Variants in HOXC10 observed in about 807,000 individuals in gnomAD.
HOXC10 encodes homeobox C10, also known as homeobox protein Hox-C10.
HOXC10 carries 15 observed loss-of-function variants against 26.0 expected under a neutral mutation model. That is an observed-to-expected ratio of 0.58 (90% CI 0.39 to 0.89). The LOEUF is 0.89. Among genes scored for constraint, HOXC10 ranks in the 40% least tolerant of loss-of-function variants. HOXC10 has a pLI of 0.00. For missense variants in HOXC10, 446 were observed against 451.9 expected, an observed-to-expected ratio of 0.99 and a Z score of 0.12; for synonymous variants, 196 against 185.5, an observed-to-expected ratio of 1.06 and a Z score of -0.46.
chr12:53,990,073 A>G lies in HOXC10; in HGVS notation c.*627A>G, dbSNP rs539021376. On this transcript the variant is annotated 3_prime_UTR_variant, in exon 2 of 2. Transcript: ENST00000303460. ...ACCCCCACATCCCCCATCTAGTAAC[A>G]TCTCAGAAATTTCATCCAGAGGAAC... 6.8e-6 allele frequency: 1 copy of G among 146,630 alleles called. No individual in the cohort carries two copies. Among genetic ancestry groups the G allele is most frequent in the Admixed American group, 6.9e-5 (1 of 14,502 alleles). The allele number at this position is 146,630 out of a possible 1,614,324, so 9.1% of individuals were successfully genotyped here. A position where few individuals can be genotyped will look rare whatever the true frequency, so the allele number is the denominator to read the frequency against.
At chr12:53,987,081 C>A (rs1399611447) in intron 1 of HOXC10, among the ~76,000 whole-genome samples, 1 of 152,216 alleles carries the variant, frequency 6.6e-6, no homozygotes, top group Non-Finnish European at 1.5e-5. Context: ...AATAAACCTG[C>A]TCCCCACAAC....
chr12:53,989,044 C>T, intron 1 of HOXC10, 125 bp from the exon 2 acceptor site: 1 of 768,324 alleles, frequency 1.3e-6, no homozygotes. Flanking sequence ...ACCGCCAGGC[C>T]CCTGGGGCAA....
rs1036745713 is a variant in HOXC10 at position 53,989,519 on chromosome 12, A to G, written c.*73A>G. The G allele has an allele frequency of 2.8e-6, 4 of 1,425,580 alleles. No homozygotes were observed. The highest frequency in any genetic ancestry group is 1.5e-5 in the African/African-American group (1 of 68,356). 88.3% of individuals were successfully genotyped at this position (1,425,580 alleles called of 1,614,324 possible). Reference sequence around the variant, plus strand: ...CTCCTCCCTTTGTGCCTGGTGATATATTTTTTTTTCCTCCCTGAGTATAAA... The same window carrying G: ...CTCCTCCCTTTGTGCCTGGTGATATGTTTTTTTTTCCTCCCTGAGTATAAA... On this transcript the variant is annotated 3_prime_UTR_variant, in exon 2 of 2. Transcript: ENST00000303460.
chr12:53,987,188 G>C (rs1296657921), intron 1 of HOXC10, among the ~76,000 whole-genome samples: 3 of 152,210 alleles, frequency 2.0e-5, no homozygotes, highest in African/African-American at 7.2e-5. Context: ...GGATCTCCTG[G>C]TGCTTTGTAT....
At position 53,985,313 on chromosome 12, in the gene HOXC10, G is replaced by A. The variant is rs751375560; in HGVS notation, c.54G>A (p.Ala18=). ...ACTCGTACGCGGAGCCCTTGGCTGCGCCCGGCGGAGGAGAGCGCTATAGCC... is the reference window on the plus strand; with the variant it reads ...ACTCGTACGCGGAGCCCTTGGCTGCACCCGGCGGAGGAGAGCGCTATAGCC... ...TPNSYAEPLA[A]PGGGERYSRS... The change falls in exon 1 of 2, where the codon GCG becomes GCA. Residue 18 remains alanine, a synonymous_variant. Coordinates refer to ENST00000303460, the MANE Select transcript of HOXC10 (RefSeq NM_017409.4). 1.3e-6 allele frequency: 2 copies of A among 1,595,394 alleles called. No individual in the cohort carries two copies. The highest frequency in any genetic ancestry group is 1.7e-6 in the Non-Finnish European group (2 of 1,171,774).
chr12:53,986,800 G>C (rs1939443718), intron 1 of HOXC10: 1 of 152,198 alleles, frequency 6.6e-6, no homozygotes, highest in Non-Finnish European at 1.5e-5. Flanking sequence ...GGAAATTTCT[G>C]TGTGCGTGGC....
Position 53,989,662 on chromosome 12 carries a change from T to C in HOXC10, c.*216T>C. 1 of 588,948 alleles carries C rather than the reference T, an allele frequency of 1.7e-6. No individual in the cohort carries two copies. The highest frequency in any genetic ancestry group is 3.0e-6 in the Non-Finnish European group (1 of 335,428). 36.5% of individuals were successfully genotyped at this position (588,948 alleles called of 1,614,324 possible). On this transcript the variant is annotated 3_prime_UTR_variant, in exon 2 of 2. Transcript: ENST00000303460. ...AGAAATGGGGTGCCGGGATGTGGGG[T>C]GTGGTGTGTGCCCTCATAGATGGGG...
In HOXC10 at chr12:53,985,849, G is replaced by A. The variant is rs943200309; in HGVS notation, c.590G>A (p.Ser197Asn). 3.6e-5 allele frequency: 58 copies of A among 1,613,696 alleles called. No homozygotes were observed. The highest frequency in any genetic ancestry group is 5.0e-5 in the Admixed American group (3 of 60,000). The change falls in exon 1 of 2, where the codon AGT becomes AAT. Residue 197 changes from serine (S) to asparagine (N), a missense_variant. Ser to Asn is a conservative substitution (Grantham distance 46). Coordinates refer to ENST00000303460, the MANE Select transcript of HOXC10 (RefSeq NM_017409.4). ...TCGCCTCAGCTGGGGGGCAAAGTGA[G>A]TTTCCCTGAGACCCCCAAGTCCGAC... ...LESPQLGGKV[S>N]FPETPKSDSQ... is the part of the protein sequence containing the mutation.
At position 53,989,956 on chromosome 12, in the gene HOXC10, C is replaced by T. The variant is rs1042215930; in HGVS notation, c.*510C>T. ...GTAGCACCCAGAGCCTCCACCAAAC[C>T]CTCTCCATGTCTTTACCTCCCAGTC... On this transcript the variant is annotated 3_prime_UTR_variant, in exon 2 of 2. Coordinates refer to ENST00000303460, the MANE Select transcript of HOXC10 (RefSeq NM_017409.4). 2 of 153,836 alleles carry T rather than the reference C, an allele frequency of 1.3e-5. No homozygotes were observed. Among genetic ancestry groups the T allele is most frequent in the Non-Finnish European group, 2.9e-5 (2 of 68,990 alleles). 9.5% of individuals were successfully genotyped at this position (153,836 alleles called of 1,614,324 possible). A position where few individuals can be genotyped will look rare whatever the true frequency, so the allele number is the denominator to read the frequency against.
intron 1 of HOXC10, 140 bp downstream of exon 1, chr12:53,986,150 T>C: frequency 1.6e-5 from 14 of 896,016 alleles, no homozygotes; most frequent in Non-Finnish European, 2.1e-5. Flanking sequence ...TCGACTAGCG[T>C]CCGCTGAGCT....
Position 53,985,383 on chromosome 12 carries a change from G to C in HOXC10, c.124G>C (p.Gly42Arg), listed in dbSNP as rs764329181. The C allele has an allele frequency of 1.2e-6, 2 of 1,613,976 alleles. No homozygotes were observed. The highest frequency in any genetic ancestry group is 1.1e-5 in the South Asian group (1 of 91,088). The part of the protein sequence containing the change: ...YMQSGSDFNC[G>R]VMRGCGLAPS... ...GCAGTCTGGGAGTGACTTCAATTGCGGGGTGATGAGGGGCTGCGGGCTCGC... is the reference window on the plus strand; with the variant it reads ...GCAGTCTGGGAGTGACTTCAATTGCCGGGTGATGAGGGGCTGCGGGCTCGC... The change falls in exon 1 of 2, where the codon GGG becomes CGG. Residue 42 changes from glycine to arginine, a missense_variant. By Grantham distance (125) the Gly-to-Arg change is moderately radical (BLOSUM62 -2). Coordinates refer to ENST00000303460, the MANE Select transcript of HOXC10 (RefSeq NM_017409.4).
intron 1 of HOXC10, 70 bp from the exon 2 acceptor site, chr12:53,989,099 C>A: frequency 6.9e-7 from 1 of 1,438,876 alleles, no homozygotes; most frequent in Non-Finnish European, 9.4e-7. Context: ...AGCAGGCTGG[C>A]AAAGGCTGCA....
intron 1 of HOXC10, chr12:53,986,232 A>T: frequency 3.9e-6 from 2 of 518,710 alleles, no homozygotes; most frequent in Middle Eastern, 5.0e-4. Context: ...TGCCCCGGCC[A>T]TGGGTGCTAA....
rs999688513 is a variant in HOXC10, at chr12:53,986,079, G to A, written c.751+69G>A. On this transcript the variant is annotated intron_variant, in intron 1 of 1. Transcript: ENST00000303460. ...CTTGGTCTTCGCGGCCGGGGAGGGG[G>A]GCAGGGGAGAGGGTTGGGCCCAGGA... is the stretch of plus-strand genomic sequence containing the variant. 30 of 1,470,780 alleles carry A rather than the reference G, an allele frequency of 2.0e-5. No homozygotes were observed. In the African/African-American group the frequency reaches 3.8e-4, roughly 19 times the overall value. The allele number at this position is 1,470,780 out of a possible 1,614,324, so 91.1% of individuals were successfully genotyped here.
chr12:53,985,185 C>G lies in HOXC10; in HGVS notation c.-75C>G, dbSNP rs371779186. ...TCCCTCCCCTCCAACCGCGCCCCCCCTCCCGGATGGGGAAAAAAAAAGATG... is the reference window on the plus strand; with the variant it reads ...TCCCTCCCCTCCAACCGCGCCCCCCGTCCCGGATGGGGAAAAAAAAAGATG... On this transcript the variant is annotated 5_prime_UTR_variant, in exon 1 of 2. Transcript: ENST00000303460. 12 of 1,371,200 alleles carry G rather than the reference C, an allele frequency of 8.8e-6. No individual in the cohort carries two copies. The highest frequency in any genetic ancestry group is 2.7e-5 in the Admixed American group (1 of 37,064). The allele number at this position is 1,371,200 out of a possible 1,614,324, so 84.9% of individuals were successfully genotyped here. A position where few individuals can be genotyped will look rare whatever the true frequency, so the allele number is the denominator to read the frequency against.
Position 53,985,985 on chromosome 12 carries a change from A to G in HOXC10, c.726A>G (p.Pro242=). The G allele has an allele frequency of 6.3e-7, 1 of 1,578,818 alleles. No individual in the cohort carries two copies. The highest frequency in any genetic ancestry group is 8.6e-7 in the Non-Finnish European group (1 of 1,162,394). Residue 242 remains proline, a synonymous_variant, in exon 1 of 2, where the codon CCA becomes CCG. Transcript: ENST00000303460. ...GGGCCAAAGCTGCCGACTCCAGCCC[A>G]GACACCTCGGATAACGAAGCGAAAG... ...KERAKAADSS[P]DTSDNEAKEE...
chr12:53,985,442 C>T lies in HOXC10; in HGVS notation c.183C>T (p.Ser61=). The T allele has an allele frequency of 3.1e-6, 5 of 1,612,852 alleles. No individual in the cohort carries two copies. Among genetic ancestry groups the T allele is most frequent in the Non-Finnish European group, 4.2e-6 (5 of 1,179,620 alleles). The change falls in exon 1 of 2, where the codon AGC becomes AGT. Residue 61 remains serine (S), a synonymous_variant. Transcript: ENST00000303460. ...PSLSKRDEGS[S]PSLALNTYPS... ...TCTCCAAGAGGGACGAGGGCAGCAG[C>T]CCCAGCCTCGCCCTCAACACCTATC...
In HOXC10 at chr12:53,985,802, C is replaced by T. The variant is rs1454434992; in HGVS notation, c.543C>T (p.Asn181=). The change falls in exon 1 of 2, where the codon AAC becomes AAT. Residue 181 remains asparagine, a synonymous_variant. Transcript: ENST00000303460. ...EAPFEQRASL[N]PRAEHLESPQ... is the part of the protein sequence containing the mutation. The stretch of plus-strand genomic sequence containing the variant: ...CTTTCGAGCAGCGGGCCAGTCTCAA[C>T]CCGCGCGCCGAACATCTGGAATCGC... 6.2e-7 allele frequency: 1 copy of T among 1,613,684 alleles called. No individual in the cohort carries two copies. Among genetic ancestry groups the T allele is most frequent in the Non-Finnish European group, 8.5e-7 (1 of 1,180,030 alleles).
intron 1 of HOXC10, among the ~76,000 whole-genome samples, chr12:53,987,447 C>T (rs1266586391): frequency 3.9e-5 from 6 of 152,188 alleles, no homozygotes; most frequent in African/African-American, 1.4e-4. Context: ...GAGGCGCCTA[C>T]AGCCTCAAAG....
Sources: allele counts gnomAD v4.1 joint callset (sites outside exome capture counted in the v4.1 genomes callset), GRCh38; gene constraint gnomAD v4.1.1; transcripts MANE v1.5; gene names NCBI Gene and HGNC (gene_info 2026-07-23, HGNC 2026-07-21).